The following ARHGAP6 variants were observed in gnomAD, a reference collection of about 807,000 sequenced individuals.
ARHGAP6 encodes Rho GTPase activating protein 6, also known as rho GTPase-activating protein 6.
Under a neutral mutation model 55.7 loss-of-function variants are expected in ARHGAP6, and 16 were observed. That is an observed-to-expected ratio of 0.29 (90% CI 0.19 to 0.44). The LOEUF is 0.44. Among genes scored for constraint, ARHGAP6 ranks in the 20% least tolerant of loss-of-function variants. The pLI, the probability that ARHGAP6 is intolerant of heterozygous loss-of-function variation, is 1.00. For missense variants in ARHGAP6, 698 were observed against 808.9 expected (o/e 0.86, Z 1.66); for synonymous variants, 382 against 360.9 (o/e 1.06, Z -0.66).
intron 12 of ARHGAP6, among the ~76,000 whole-genome samples, chrX:11,140,254 T>G (rs2045602275): frequency 9.4e-6 from 1 of 106,130 alleles, no homozygotes; most frequent in African/African-American, 3.4e-5. Context: ...CCGTCTCCAC[T>G]AAAAATACAA....
intron 2 of ARHGAP6, among the ~76,000 whole-genome samples, chrX:11,216,269 G>GA (rs1441095984): frequency 1.8e-5 from 2 of 111,199 alleles, no homozygotes; most frequent in East Asian, 5.6e-4. Context: ...ATAAGCAGCG[G>GA]AAAAGAGACC....
At chrX:11,342,679 T>C (rs2048721972) in intron 1 of ARHGAP6, among the ~76,000 whole-genome samples, 1 of 112,083 alleles carries the variant, frequency 8.9e-6, no homozygotes, top group African/African-American at 3.2e-5. Flanking sequence ...CACTTTGAGG[T>C]TTAGATTTTT....
At position 11,564,476 on chromosome X, in the gene ARHGAP6, T is replaced by A. The variant is rs73501007; in HGVS notation, c.588+99765A>T. 8.0e-3 allele frequency among the ~76,000 whole-genome samples: 889 copies of A among 111,131 alleles called. 12 individuals carry two copies. The highest frequency in any genetic ancestry group is 0.027 in the African/African-American group (835 of 30,649). ...ACTTATCCAACAGAACTTTTTTTTT[T>A]AATAGAGTTCTGGTTTTATAATATA... is the stretch of plus-strand genomic sequence containing the variant. On this transcript the variant is annotated intron_variant, in intron 1 of 12. Transcript: ENST00000337414.
intron 1 of ARHGAP6, among the ~76,000 whole-genome samples, chrX:11,595,645 C>T (rs754767208): frequency 9.0e-6 from 1 of 111,322 alleles, no homozygotes; most frequent in East Asian, 2.8e-4. Context: ...AGGCAACCTA[C>T]AGAATGGGAG....
chrX:11,557,145 C>T (rs1465984834), intron 1 of ARHGAP6, among the ~76,000 whole-genome samples: 1 of 112,417 alleles, frequency 8.9e-6, no homozygotes, highest in Non-Finnish European at 1.9e-5. Context: ...TGATGCTTTG[C>T]TCTTTCCAAG....
chrX:11,169,782 T>TTTAATCCTGC, intron 8 of ARHGAP6, 98 bp from the exon 9 acceptor site: 1 of 696,912 alleles, frequency 1.4e-6, no homozygotes, highest in East Asian at 3.7e-5. Flanking sequence ...CCTTTTTTTT[T>TTTAATCCTGC]TTTAATCCTG....
At chrX:11,627,532 T>G (rs920727130) in intron 1 of ARHGAP6, among the ~76,000 whole-genome samples, 5 of 111,857 alleles carry the variant, frequency 4.5e-5, no homozygotes, top group African/African-American at 1.3e-4. Context: ...TTTTTAAACA[T>G]GCAAAAATGC....
At chrX:11,568,000 A>G (rs755760944) in intron 1 of ARHGAP6, among the ~76,000 whole-genome samples, 27 of 111,731 alleles carry the variant, frequency 2.4e-4, no homozygotes, top group Non-Finnish European at 4.5e-4. Flanking sequence ...CATGGCCATT[A>G]ACACCCAGGC....
At chrX:11,481,529 G>A (rs761301099) in intron 1 of ARHGAP6, among the ~76,000 whole-genome samples, 51 of 112,543 alleles carry the variant, frequency 4.5e-4, no homozygotes, top group African/African-American at 1.5e-3. Flanking sequence ...TGAAGGATAC[G>A]ATGAGTGCAC....
intron 1 of ARHGAP6, among the ~76,000 whole-genome samples, chrX:11,329,581 A>T (rs1488788084): frequency 8.9e-6 from 1 of 112,310 alleles, no homozygotes; most frequent in African/African-American, 3.2e-5. Context: ...AAGTACAATC[A>T]CGTGTCAATG....
chrX:11,265,568 G>T, intron 1 of ARHGAP6: 1 of 500,294 alleles, frequency 2.0e-6, no homozygotes, highest in Non-Finnish European at 2.6e-6. Context: ...ACACATCTCA[G>T]ACACTGATCA....
chrX:11,387,378 CAG>C (rs1417637070), intron 1 of ARHGAP6, among the ~76,000 whole-genome samples: 7 of 111,547 alleles, frequency 6.3e-5, no homozygotes, highest in African/African-American at 2.3e-4. Context: ...GCTTTGCATG[CAG>C]AGAGAGTAAA....
At chrX:11,493,257 T>C (rs886077427) in intron 1 of ARHGAP6, among the ~76,000 whole-genome samples, 3 of 112,073 alleles carry the variant, frequency 2.7e-5, no homozygotes, top group African/African-American at 9.7e-5. Context: ...CTGTTACAAG[T>C]GGTTATTTCT....
Position 11,179,399 on chromosome X carries a change from A to G in ARHGAP6, c.1383T>C (p.Ser461=), listed in dbSNP as rs2046280578. ...TCAGCAAGGCTGCCACATCATGAAC[A>G]CTGTGCTCCTCCTCCAGAGAGACAT... ...GIDVSLEEEH[S]VHDVAALLKE... is the part of the protein sequence containing the mutation. Residue 461 remains serine, a synonymous_variant, in exon 7 of 13, where the codon AGT becomes AGC. Transcript: ENST00000337414. The G allele has an allele frequency of 8.3e-7, 1 of 1,207,982 alleles. No individual in the cohort carries two copies. The highest frequency in any genetic ancestry group is 1.8e-5 in the South Asian group (1 of 56,332).
At chrX:11,245,653 G>A (rs2047342637) in intron 2 of ARHGAP6, among the ~76,000 whole-genome samples, 1 of 112,239 alleles carries the variant, frequency 8.9e-6, no homozygotes, top group Admixed American at 9.4e-5. Flanking sequence ...AGTGGATCAT[G>A]AAAACATATT....
intron 1 of ARHGAP6, among the ~76,000 whole-genome samples, chrX:11,308,961 C>A (rs2048266415): frequency 8.9e-6 from 1 of 111,999 alleles, no homozygotes; most frequent in South Asian, 3.8e-4. Context: ...GGTTTGAAGA[C>A]TCTGAATTTA....
chrX:11,650,890 C>T (rs1017377881), intron 1 of ARHGAP6, among the ~76,000 whole-genome samples: 5 of 112,322 alleles, frequency 4.5e-5, no homozygotes, highest in African/African-American at 1.6e-4. Context: ...TTCATATCAC[C>T]TTTCATGTTT....
At chrX:11,457,378 G>A (rs984977041) in intron 1 of ARHGAP6, among the ~76,000 whole-genome samples, 2 of 111,180 alleles carry the variant, frequency 1.8e-5, no homozygotes, top group Non-Finnish European at 3.8e-5. Context: ...TTAGAGAACC[G>A]AAATCTTTTG....
chrX:11,358,562 C>T lies in ARHGAP6; in HGVS notation c.589-103855G>A, dbSNP rs1417998085. On this transcript the variant is annotated intron_variant, in intron 1 of 12. Transcript: ENST00000337414. The stretch of plus-strand genomic sequence containing the variant: ...TGGCGTGATCTCAGCTCACCGCTAC[C>T]TCTGCCTCCTGGGTTCAAGTGATTC... Among the ~76,000 whole-genome samples the T allele has an allele frequency of 1.3e-4, 14 of 107,743 alleles. No individual in the cohort carries two copies. In the Admixed American group the frequency reaches 1.4e-3, roughly 11 times the overall value. The allele number at this position is 107,743 out of a possible 115,157, so 93.6% of individuals were successfully genotyped here.
Sources: allele counts gnomAD v4.1 joint callset (sites outside exome capture counted in the v4.1 genomes callset), GRCh38; gene constraint gnomAD v4.1.1; transcripts MANE v1.5; gene names NCBI Gene and HGNC (gene_info 2026-07-23, HGNC 2026-07-21).